Variants in LONP1 observed in about 807,000 individuals in gnomAD.
LONP1 encodes lon protease homolog, mitochondrial.
In LONP1, 31 loss-of-function variants were observed where a neutral mutation model predicts 98.5. The observed-to-expected ratio is 0.31, with a 90% CI of 0.24 to 0.42. LONP1 has a LOEUF of 0.42. Among genes scored for constraint, LONP1 ranks in the 20% least tolerant of loss-of-function variants. LONP1 has a pLI of 1.00. For synonymous variants in LONP1, 781 were observed against 594.7 expected (o/e 1.31, Z -4.56); for missense variants, 1,336 against 1,350.6 (o/e 0.99, Z 0.17).
Position 5,711,933 on chromosome 19 carries a change from G to T in LONP1, c.708C>A (p.Arg236=), listed in dbSNP as rs1292755471. 1 of 1,613,128 alleles carries T rather than the reference G, an allele frequency of 6.2e-7. No individual in the cohort carries two copies. The highest frequency in any genetic ancestry group is 8.5e-7 in the Non-Finnish European group (1 of 1,179,792). Residue 236 remains arginine (R), a synonymous_variant, in exon 4 of 18, where the codon CGC becomes CGA. Coordinates refer to ENST00000360614, the MANE Select transcript of LONP1 (RefSeq NM_004793.4). The stretch of plus-strand genomic sequence containing the variant: ...CCTTCTTGCCCCGCTTTGACTTCCT[G>T]CGGGGCTTGTGCTTGTTCTCCGCCT... The part of the protein sequence containing the change: ...EPEAENKHKP[R]RKSKRGKKEA...
chr19:5,719,015 G>C (rs548146711), intron 1 of LONP1, among the ~76,000 whole-genome samples: 80 of 152,094 alleles, frequency 5.3e-4, no homozygotes, highest in Admixed American at 3.0e-3. Flanking sequence ...ATACAATATC[G>C]TTACTAAACA....
chr19:5,703,204 T>C (rs2055088374), intron 8 of LONP1, among the ~76,000 whole-genome samples: 1 of 150,358 alleles, frequency 6.7e-6, no homozygotes, highest in Admixed American at 6.6e-5. Context: ...AAAAAAAATT[T>C]ACAAACTGCC....
intron 8 of LONP1, among the ~76,000 whole-genome samples, chr19:5,702,671 TAAGA>T (rs1448168550): frequency 6.6e-6 from 1 of 152,214 alleles, no homozygotes; most frequent in Non-Finnish European, 1.5e-5. Context: ...TGTTCTGTAC[TAAGA>T]AAAATTCTTC....
rs1369614807 is a variant in LONP1, at chr19:5,691,992, C to T, written c.*40G>A. On this transcript the variant is annotated 3_prime_UTR_variant, in exon 18 of 18. Coordinates refer to ENST00000360614, the MANE Select transcript of LONP1 (RefSeq NM_004793.4). ...CCACAGCGCTCAGTTCTGGCCCAGA[C>T]AGGGCCTGACATCCGCCGCCTGCAG... 5 of 1,589,354 alleles carry T rather than the reference C, an allele frequency of 3.1e-6. No homozygotes were observed. The highest frequency in any genetic ancestry group is 2.2e-5 in the East Asian group (1 of 44,654).
chr19:5,695,873 G>A (rs753220838), intron 13 of LONP1, among the ~76,000 whole-genome samples, 181 bp downstream of exon 13: 4 of 152,172 alleles, frequency 2.6e-5, no homozygotes, highest in African/African-American at 7.2e-5. Context: ...GCGCCCACTC[G>A]CGCCACCTGC....
At position 5,699,133 on chromosome 19, in the gene LONP1, C is replaced by T. The variant is rs754465566; in HGVS notation, c.1579G>A (p.Val527Met). 10 of 1,568,780 alleles carry T rather than the reference C, an allele frequency of 6.4e-6. No individual in the cohort carries two copies. The highest frequency in any genetic ancestry group is 1.8e-5 in the Admixed American group (1 of 56,146). Residue 527 changes from valine (V) to methionine (M), a missense_variant, in exon 10 of 18, where the codon GTG becomes ATG. Transcript: ENST00000360614. ...KILCFYGPPG[V>M]GKTSIARSIA... Reference sequence around the variant, plus strand: ...GAGCGAGCAATGCTGGTCTTACCCACGCCAGGGGGGCCATAGAAGCAGAGG... The same window carrying T: ...GAGCGAGCAATGCTGGTCTTACCCATGCCAGGGGGGCCATAGAAGCAGAGG...
At position 5,713,021 on chromosome 19, in the gene LONP1, G is replaced by A. The variant is rs933578587; in HGVS notation, c.638+113C>T. The A allele has an allele frequency of 2.7e-6, 4 of 1,469,432 alleles. No homozygotes were observed. In the African/African-American group the frequency reaches 5.5e-5, roughly 20 times the overall value. The allele number at this position is 1,469,432 out of a possible 1,614,324, so 91.0% of individuals were successfully genotyped here. On this transcript the variant is annotated intron_variant, in intron 3 of 17. Coordinates refer to ENST00000360614, the MANE Select transcript of LONP1 (RefSeq NM_004793.4). ...CTCTGGCCTCAGTGCTAGTGAGAAA[G>A]CCGCTGGGCTGACGGACAGGGCAGA...
intron 1 of LONP1, among the ~76,000 whole-genome samples, chr19:5,716,918 C>G (rs1052185392): frequency 9.9e-5 from 15 of 152,080 alleles, no homozygotes; most frequent in African/African-American, 3.6e-4. Flanking sequence ...CTCAGCCTCC[C>G]GAGTAGCTGG....
chr19:5,708,520 G>T, intron 4 of LONP1, 117 bp from the exon 5 acceptor site: 1 of 426,034 alleles, frequency 2.3e-6, no homozygotes, highest in Non-Finnish European at 4.2e-6. Flanking sequence ...CCTCCCCTCC[G>T]CCAACTGGCC....
At chr19:5,695,077 C>T (rs2054902049) in intron 13 of LONP1, among the ~76,000 whole-genome samples, 176 bp from the exon 14 acceptor site, 1 of 152,008 alleles carries the variant, frequency 6.6e-6, no homozygotes, top group East Asian at 1.9e-4. Flanking sequence ...CCCAGAGGCC[C>T]CAGGCCTTTG....
At chr19:5,712,272 G>A (rs762612453) in intron 3 of LONP1, among the ~76,000 whole-genome samples, 13 of 152,164 alleles carry the variant, frequency 8.5e-5, no homozygotes, top group Admixed American at 6.5e-5. Flanking sequence ...CCTAAGTATC[G>A]TGGATAAGCT....
At chr19:5,696,003 GGC>G in intron 13 of LONP1, 49 bp downstream of exon 13, 1 of 1,532,042 alleles carries the variant, frequency 6.5e-7, no homozygotes, top group Non-Finnish European at 8.9e-7. Context: ...GGCTCTGGGG[GGC>G]GCCCCCTGCT....
intron 7 of LONP1, among the ~76,000 whole-genome samples, chr19:5,706,537 G>A (rs1408762308): frequency 6.6e-6 from 1 of 152,070 alleles, no homozygotes; most frequent in Non-Finnish European, 1.5e-5. Flanking sequence ...AGCCCTGGAG[G>A]TGGAGGCTGT....
intron 8 of LONP1, among the ~76,000 whole-genome samples, chr19:5,702,252 TGG>T (rs56009900): frequency 1.4e-3 from 169 of 119,728 alleles, no homozygotes; most frequent in East Asian, 8.0e-3. Context: ...GGAGGGAGGT[TGG>T]GGGGGGGGTC....
In LONP1 at chr19:5,717,891, C is replaced by CTT. The variant is rs532198283; in HGVS notation, c.429+1811_429+1812dup. On this transcript the variant is annotated intron_variant, in intron 1 of 17. Coordinates refer to ENST00000360614, the MANE Select transcript of LONP1 (RefSeq NM_004793.4). ...CACTGTGCCCGGCTTTTCTTTCTTT[C>CTT]TTTTTTTTTTTTTTTTTGTAGAGAC... Among the ~76,000 whole-genome samples the CTT allele has an allele frequency of 5.5e-3, 738 of 133,228 alleles. 7 individuals are homozygous for CTT. The highest frequency in any genetic ancestry group is 0.013 in the South Asian group (56 of 4,160). 87.4% of individuals were successfully genotyped at this position (133,228 alleles called of 152,430 possible). A position where few individuals can be genotyped will look rare whatever the true frequency, so the allele number is the denominator to read the frequency against.
At chr19:5,708,214 A>G in intron 5 of LONP1, 128 bp downstream of exon 5, 1 of 962,010 alleles carries the variant, frequency 1.0e-6, no homozygotes, top group Admixed American at 2.1e-5. Flanking sequence ...GCTCCTCCAC[A>G]CAGGCCACTC....
In LONP1 at chr19:5,713,167, T is replaced by G; in HGVS notation, c.605A>C (p.Asp202Ala). The G allele has an allele frequency of 6.2e-7, 1 of 1,614,090 alleles. No homozygotes were observed. Among genetic ancestry groups the G allele is most frequent in the African/African-American group, 1.3e-5 (1 of 75,016 alleles). ...AQIHEMQDLG[D>A]KLRMIVMGHR... ...TCCCATGACGATCATGCGCAGCTTG[T>G]CCCCAAGGTCCTGCATCTCATGGAT... The change falls in exon 3 of 18, where the codon GAC (aspartate) becomes GCC (alanine). Residue 202 changes from aspartate to alanine, a missense_variant. By Grantham distance (126) the Asp-to-Ala change is moderately radical (BLOSUM62 -2). This residue lies in a region of LONP1 where 457 missense variants were observed against 403.1 expected (regional missense o/e 1.13). Coordinates refer to ENST00000360614, the MANE Select transcript of LONP1 (RefSeq NM_004793.4).
Position 5,703,810 on chromosome 19 carries a change from C to T in LONP1, c.1367+1962G>A, listed in dbSNP as rs115695499. Among the ~76,000 whole-genome samples, 1,458 of 152,142 alleles carry T rather than the reference C, an allele frequency of 9.6e-3. 21 individuals are homozygous for T. The highest frequency in any genetic ancestry group is 0.033 in the African/African-American group (1,351 of 41,490). ...ACGCAGGTACTGAGGGCTTGTCCCC[C>T]GTGACTTCCCAGGACCTGAGGACAG... On this transcript the variant is annotated intron_variant, in intron 8 of 17. Transcript: ENST00000360614.
At chr19:5,716,253 AATATACATATATATATATAT>A (rs1479988586) in intron 1 of LONP1, among the ~76,000 whole-genome samples, 12 of 71,730 alleles carry the variant, frequency 1.7e-4, no homozygotes, top group South Asian at 5.7e-4. Context: ...ATAAAGTTAA[AATATACATATATATATATAT>A]ATATATATAT....
Sources: gnomAD v4.1 joint callset for allele counts (sites outside exome capture counted in the v4.1 genomes callset) on GRCh38, gnomAD v4.1.1 for gene constraint, gnomAD v4.1.1 regional missense constraint, MANE v1.5 for transcripts, NCBI Gene and HGNC (gene_info 2026-07-23, HGNC 2026-07-21) for gene names.